Variants in PARD3 observed in about 807,000 individuals in gnomAD.
PARD3 encodes the protein par-3 family cell polarity regulator.
In PARD3, 75 loss-of-function variants were observed where a neutral mutation model predicts 155.4. That is an observed-to-expected ratio of 0.48 (90% confidence interval 0.40 to 0.58). The LOEUF is 0.58. Ranked by LOEUF, PARD3 falls within the 20% of genes least tolerant of loss-of-function variation. PARD3 has a pLI of 0.00. For synonymous variants in PARD3, 576 were observed against 610.5 expected (o/e 0.94, Z 0.83); for missense variants, 1,642 against 1,721.7 (o/e 0.95, Z 0.82).
At chr10:34,620,886 T>A (rs1472513903) in intron 2 of PARD3, among the ~76,000 whole-genome samples, 1 of 152,194 alleles carries the variant, frequency 6.6e-6, no homozygotes, top group Non-Finnish European at 1.5e-5. Context: ...AAAAAATACA[T>A]CTTGCCACAT....
At chr10:34,484,608 C>T (rs1369989826) in intron 3 of PARD3, among the ~76,000 whole-genome samples, 1 of 152,058 alleles carries the variant, frequency 6.6e-6, no homozygotes, top group Non-Finnish European at 1.5e-5. Flanking sequence ...GCCCCATGTC[C>T]CTAGGATCTC....
At chr10:34,210,776 TC>T (rs907595416) in intron 22 of PARD3, among the ~76,000 whole-genome samples, 6 of 152,148 alleles carry the variant, frequency 3.9e-5, no homozygotes, top group African/African-American at 1.2e-4. Flanking sequence ...CCATGTAATT[TC>T]TAGGAAAACT....
chr10:34,183,562 A>T (rs560563461), intron 22 of PARD3, among the ~76,000 whole-genome samples: 1 of 152,236 alleles, frequency 6.6e-6, no homozygotes, highest in African/African-American at 2.4e-5. Flanking sequence ...CCCTCTTCTC[A>T]CCAGGTGTAC....
At position 34,117,868 on chromosome 10, in the gene PARD3, G is replaced by A. The variant is rs376055472; in HGVS notation, c.3668+1745C>T. Reference sequence around the variant, plus strand: ...GGAGGTTGCAGTGAGCCAAGGTCGCGCCACTGCACTCCAGCCGGGGCAACA... The same window carrying A: ...GGAGGTTGCAGTGAGCCAAGGTCGCACCACTGCACTCCAGCCGGGGCAACA... On this transcript the variant is annotated intron_variant, in intron 24 of 24. Coordinates refer to ENST00000374788, the MANE Select transcript of PARD3 (RefSeq NM_001184785.2). Among the ~76,000 whole-genome samples, 18 of 152,222 alleles carry A rather than the reference G, an allele frequency of 1.2e-4. No homozygotes were observed. In the East Asian group the frequency reaches 2.7e-3, roughly 23 times the overall value.
chr10:34,745,936 T>C (rs1453828024), intron 1 of PARD3, among the ~76,000 whole-genome samples: 3 of 151,696 alleles, frequency 2.0e-5, no homozygotes, highest in African/African-American at 7.3e-5. Flanking sequence ...CCGCCTCTAC[T>C]AAAAAAATAC....
intron 22 of PARD3, among the ~76,000 whole-genome samples, chr10:34,245,554 A>G (rs925399874): frequency 6.6e-6 from 1 of 150,988 alleles, no homozygotes; most frequent in Non-Finnish European, 1.5e-5. Context: ...TCATTATGCC[A>G]GACAAGGGGT....
chr10:34,180,238 G>A (rs1389146009), intron 22 of PARD3, among the ~76,000 whole-genome samples: 1 of 152,026 alleles, frequency 6.6e-6, no homozygotes, highest in African/African-American at 2.4e-5. Flanking sequence ...GTAGAGACGG[G>A]GTTTCACCAT....
At chr10:34,123,135 T>C (rs1282002794) in intron 23 of PARD3, among the ~76,000 whole-genome samples, 1 of 152,152 alleles carries the variant, frequency 6.6e-6, no homozygotes, top group East Asian at 1.9e-4. Context: ...AGCAATGACC[T>C]TTTAAATAAA....
intron 7 of PARD3, among the ~76,000 whole-genome samples, chr10:34,398,124 G>C (rs1334209371): frequency 7.2e-5 from 11 of 152,104 alleles, no homozygotes; most frequent in Admixed American, 7.2e-4. Context: ...GTTATACCTT[G>C]TTATGTAACA....
chr10:34,788,450 CTT>C (rs568326379), intron 1 of PARD3, among the ~76,000 whole-genome samples: 1 of 142,394 alleles, frequency 7.0e-6, no homozygotes. Context: ...AGGTCCAGTT[CTT>C]TTTTTTTTTT....
At chr10:34,785,439 C>T (rs1363550203) in intron 1 of PARD3, among the ~76,000 whole-genome samples, 1 of 147,102 alleles carries the variant, frequency 6.8e-6, no homozygotes, top group Non-Finnish European at 1.5e-5. Flanking sequence ...TTGCATCATA[C>T]TTTTTTTTTT....
chr10:34,141,711 T>A (rs1201062705), intron 22 of PARD3, among the ~76,000 whole-genome samples: 2 of 152,106 alleles, frequency 1.3e-5, no homozygotes, highest in Non-Finnish European at 2.9e-5. Context: ...CAGGCAGGAG[T>A]AAGAAAAATT....
At chr10:34,798,524 G>T (rs1842526399) in intron 1 of PARD3, among the ~76,000 whole-genome samples, 1 of 151,956 alleles carries the variant, frequency 6.6e-6, no homozygotes, top group Admixed American at 6.6e-5. Flanking sequence ...GACCAACATG[G>T]TGAAACTGCA....
intron 2 of PARD3, among the ~76,000 whole-genome samples, chr10:34,526,444 C>G (rs74132045): frequency 2.0e-4 from 31 of 152,298 alleles, no homozygotes; most frequent in African/African-American, 6.7e-4. Flanking sequence ...AGGACAGTCA[C>G]GACCAGGCAG....
chr10:34,413,552 C>T (rs1845343211), intron 5 of PARD3, among the ~76,000 whole-genome samples: 1 of 151,674 alleles, frequency 6.6e-6, no homozygotes, highest in African/African-American at 2.4e-5. Flanking sequence ...AAATAAGTCT[C>T]ATAGCCCTTT....
At chr10:34,681,729 T>C (rs1327774925) in intron 2 of PARD3, among the ~76,000 whole-genome samples, 1 of 56,548 alleles carries the variant, frequency 1.8e-5, no homozygotes, top group Non-Finnish European at 3.2e-5. Flanking sequence ...ACGTATGTAT[T>C]TTATATATAT....
chr10:34,555,818 G>A (rs2084936977), intron 2 of PARD3, among the ~76,000 whole-genome samples: 1 of 152,022 alleles, frequency 6.6e-6, no homozygotes, highest in Non-Finnish European at 1.5e-5. Flanking sequence ...GAGGTGTCCT[G>A]GATGACTCCA....
chr10:34,447,346 T>C (rs966771140), intron 5 of PARD3, among the ~76,000 whole-genome samples: 2 of 151,400 alleles, frequency 1.3e-5, no homozygotes, highest in Non-Finnish European at 2.9e-5. Flanking sequence ...CTGGGCATGG[T>C]GGTGTGTGCC....
chr10:34,470,305 T>C, intron 3 of PARD3, 42 bp from the exon 4 acceptor site: 1 of 1,427,464 alleles, frequency 7.0e-7, no homozygotes, highest in Non-Finnish European at 9.5e-7. Context: ...AAGATACTAA[T>C]GTTGGTAAAC....
Sources: gnomAD v4.1 joint callset for allele counts (sites outside exome capture counted in the v4.1 genomes callset) on GRCh38, gnomAD v4.1.1 for gene constraint, MANE v1.5 for transcripts, NCBI Gene and HGNC (gene_info 2026-07-23, HGNC 2026-07-21) for gene names.